The following ALPG variants were observed in gnomAD, a reference collection of about 807,000 sequenced individuals.
The protein encoded by ALPG is alkaline phosphatase, germ cell type.
A neutral mutation model predicts 48.6 loss-of-function variants in ALPG; 32 were observed. That is an observed-to-expected ratio of 0.66 (90% confidence interval 0.50 to 0.88). The LOEUF is 0.88. Among genes scored for constraint, ALPG ranks in the 40% least tolerant of loss-of-function variants. ALPG has a pLI of 0.00. For missense variants in ALPG, 533 were observed against 718.1 expected (o/e 0.74, Z 2.95); for synonymous variants, 244 against 308.9 (o/e 0.79, Z 2.20).
chr2:232,406,880 C>G lies in ALPG; in HGVS notation c.-15C>G, dbSNP rs761067658. On this transcript the variant is annotated 5_prime_UTR_variant, in exon 1 of 11. Transcript: ENST00000295453. The stretch of plus-strand genomic sequence containing the variant: ...CTGGGATTTCCGCCTCGCCGCTCTC[C>G]GACTGCTTCCAGACATGCAGGGGCC... The G allele has an allele frequency of 3.1e-6, 5 of 1,607,304 alleles. 1 individual carries two copies. The South Asian group carries it at 4.5e-5, about 14-fold the overall frequency.
At position 232,407,919 on chromosome 2, in the gene ALPG, A is replaced by C. The variant is rs1370523689; in HGVS notation, c.550A>C (p.Asn184His). The C allele has an allele frequency of 2.5e-6, 4 of 1,613,480 alleles. No homozygotes were observed. The highest frequency in any genetic ancestry group is 1.7e-4 in the Middle Eastern group (1 of 6,052). ...AGCCGGCGCCTACGCCCACACGGTG[A>C]ACCGCAACTGGTACTCGGATGCCGA... ...SPAGAYAHTVNRNWYSDADVP... is the reference protein window; with the variant it reads ...SPAGAYAHTVHRNWYSDADVP... Residue 184 changes from asparagine to histidine, a missense_variant, in exon 5 of 11, where the codon AAC (asparagine) becomes CAC (histidine). Physicochemically the swap from Asn to His is moderately conservative, Grantham distance 68. Around this residue, in one of 6 missense-constraint regions of ALPG, gnomAD observed 315 missense variants for 305.8 expected, o/e 1.03. Coordinates refer to ENST00000295453, the MANE Select transcript of ALPG (RefSeq NM_031313.3).
Position 232,407,906 on chromosome 2 carries a change from C to G in ALPG, c.537C>G (p.Tyr179Ter). 3.1e-6 allele frequency: 5 copies of G among 1,613,484 alleles called. No homozygotes were observed. In the South Asian group the frequency reaches 4.4e-5, roughly 14 times the overall value. Residue 179 changes from tyrosine to a stop codon, truncating the protein, a stop_gained, in exon 5 of 11, where the codon TAC (tyrosine) becomes TAG (stop). Coordinates refer to ENST00000295453, the MANE Select transcript of ALPG (RefSeq NM_031313.3). LOFTEE classifies it high-confidence loss of function. ...RVQHASPAGA[Y>*]AHTVNRNWYS... ...AGCATGCCTCGCCAGCCGGCGCCTA[C>G]GCCCACACGGTGAACCGCAACTGGT...
Position 232,408,726 on chromosome 2 carries a change from G to A in ALPG, c.879G>A (p.Met293Ile). The change falls in exon 8 of 11, where the codon ATG becomes ATA. Residue 293 changes from methionine (M) to isoleucine (I), a missense_variant. This residue lies in a region of ALPG where 17 missense variants were observed against 56.2 expected (regional missense o/e 0.30). Coordinates refer to ENST00000295453, the MANE Select transcript of ALPG (RefSeq NM_031313.3). ...HLMGLFEPGDMKYEIHRDSTL... is the reference protein window; with the variant it reads ...HLMGLFEPGDIKYEIHRDSTL... ...CAGGTCTCTTTGAGCCTGGAGACAT[G>A]AAATACGAGATCCACCGAGACTCCA... The A allele has an allele frequency of 2.2e-6, 3 of 1,348,900 alleles. No individual in the cohort carries two copies. The highest frequency in any genetic ancestry group is 5.1e-5 in the East Asian group (2 of 39,426). 83.6% of individuals were successfully genotyped at this position (1,348,900 alleles called of 1,614,324 possible).
At position 232,407,608 on chromosome 2, in the gene ALPG, C is replaced by G; in HGVS notation, c.315C>G (p.Asp105Glu). 2 of 1,613,880 alleles carry G rather than the reference C, an allele frequency of 1.2e-6. No homozygotes were observed. The highest frequency in any genetic ancestry group is 1.7e-6 in the Non-Finnish European group (2 of 1,180,018). ...YVALSKTYSV[D>E]KHVPDSGATA... ...TCTGTCCCCAGACATACAGTGTAGA[C>G]AAGCATGTGCCAGACAGTGGAGCCA... The change falls in exon 4 of 11, where the codon GAC becomes GAG. Residue 105 changes from aspartate to glutamate, a missense_variant. Asp to Glu is a conservative substitution (Grantham distance 45). Around this residue, in one of 6 missense-constraint regions of ALPG, gnomAD observed 315 missense variants for 305.8 expected, o/e 1.03. Coordinates refer to ENST00000295453, the MANE Select transcript of ALPG (RefSeq NM_031313.3).
Position 232,407,088 on chromosome 2 carries a change from C to T in ALPG, c.99C>T (p.Arg33=). The change falls in exon 2 of 11, where the codon CGC becomes CGT. Residue 33 remains arginine, a synonymous_variant. Coordinates refer to ENST00000295453, the MANE Select transcript of ALPG (RefSeq NM_031313.3). ...AGGAGAACCCGGACTTCTGGAACCG[C>T]CAGGCAGCCGAGGCCCTGGGTGCCG... ...VEEENPDFWN[R]QAAEALGAAK... 6.2e-7 allele frequency: 1 copy of T among 1,613,908 alleles called. No homozygotes were observed. Among genetic ancestry groups the T allele is most frequent in the Non-Finnish European group, 8.5e-7 (1 of 1,180,000 alleles).
At chr2:232,408,079 C>T in intron 5 of ALPG, 62 bp downstream of exon 5, 1 of 1,573,218 alleles carries the variant, frequency 6.4e-7, no homozygotes, top group Non-Finnish European at 8.6e-7. Flanking sequence ...GGCACCAGCT[C>T]AGACCCAGGC....
Position 232,407,412 on chromosome 2 carries a change from G to A in ALPG, c.300+11G>A, listed in dbSNP as rs1484580729. 6.2e-7 allele frequency: 1 copy of A among 1,613,010 alleles called. No homozygotes were observed. The highest frequency in any genetic ancestry group is 8.5e-7 in the Non-Finnish European group (1 of 1,179,658). ...GTGGCTCTGTCCAAGGTAAGTGCTG[G>A]GCTACCTTAGAGTCCTCCAAGCAGA... On this transcript the variant is annotated intron_variant, in intron 3 of 10. Transcript: ENST00000295453.
Position 232,410,023 on chromosome 2 carries a change from T to C in ALPG, c.*151T>C, listed in dbSNP as rs1697162140. On this transcript the variant is annotated 3_prime_UTR_variant, in exon 11 of 11. Coordinates refer to ENST00000295453, the MANE Select transcript of ALPG (RefSeq NM_031313.3). ...GGAACCTTCCCCTCCCGGTGCACCC[T>C]GGGGACCGAGCCCTTGACACCACGC... The C allele has an allele frequency of 8.4e-6, 10 of 1,192,880 alleles. 1 individual carries two copies. In the South Asian group the frequency reaches 1.1e-4, roughly 13 times the overall value. The allele number at this position is 1,192,880 out of a possible 1,614,324, so 73.9% of individuals were successfully genotyped here. A position where few individuals can be genotyped will look rare whatever the true frequency, so the allele number is the denominator to read the frequency against.
chr2:232,410,131 G>C lies in ALPG; in HGVS notation c.*259G>C. 1 of 604,622 alleles carries C rather than the reference G, an allele frequency of 1.7e-6. No individual in the cohort carries two copies. The highest frequency in any genetic ancestry group is 2.1e-5 in the South Asian group (1 of 47,880). 37.5% of individuals were successfully genotyped at this position (604,622 alleles called of 1,614,324 possible). Reference sequence around the variant, plus strand: ...TGCCTGGCAGCTGCCTGCATTTCAGGAAAAGAGGAGGCTCAGACCATCCAG... The same window carrying C: ...TGCCTGGCAGCTGCCTGCATTTCAGCAAAAGAGGAGGCTCAGACCATCCAG... On this transcript the variant is annotated 3_prime_UTR_variant, in exon 11 of 11. Coordinates refer to ENST00000295453, the MANE Select transcript of ALPG (RefSeq NM_031313.3).
chr2:232,409,630 G>A lies in ALPG; in HGVS notation c.1357G>A (p.Gly453Ser), dbSNP rs1697152914. The change falls in exon 11 of 11, where the codon GGC becomes AGC. Residue 453 changes from glycine to serine, a missense_variant. Coordinates refer to ENST00000295453, the MANE Select transcript of ALPG (RefSeq NM_031313.3). The part of the protein sequence containing the change: ...AVPLDGETHA[G>S]EDVAVFARGP... ...GCCCCTGGACGGAGAGACCCACGCAGGCGAGGACGTGGCGGTGTTCGCGCG... is the reference window on the plus strand; with the variant it reads ...GCCCCTGGACGGAGAGACCCACGCAAGCGAGGACGTGGCGGTGTTCGCGCG... 6.2e-7 allele frequency: 1 copy of A among 1,612,554 alleles called. No individual in the cohort carries two copies. The highest frequency in any genetic ancestry group is 1.1e-5 in the South Asian group (1 of 90,956).
Position 232,409,725 on chromosome 2 carries a change from C to T in ALPG, c.1452C>T (p.Ala484=), listed in dbSNP as rs763291237. 6.8e-6 allele frequency: 11 copies of T among 1,610,402 alleles called. No individual in the cohort carries two copies. The South Asian group carries it at 8.8e-5, about 13-fold the overall frequency. ...QTFIAHVMAF[A]ACLEPYTACD... is the part of the protein sequence containing the mutation. Reference sequence around the variant, plus strand: ...TCATAGCGCACGTCATGGCCTTCGCCGCCTGCCTGGAGCCCTACACCGCCT... The same window carrying T: ...TCATAGCGCACGTCATGGCCTTCGCTGCCTGCCTGGAGCCCTACACCGCCT... The change falls in exon 11 of 11, where the codon GCC becomes GCT. Residue 484 remains alanine, a synonymous_variant. Transcript: ENST00000295453.
chr2:232,409,839 C>A lies in ALPG; in HGVS notation c.1566C>A (p.Thr522=). The A allele has an allele frequency of 6.3e-7, 1 of 1,585,458 alleles. No individual in the cohort carries two copies. Among genetic ancestry groups the A allele is most frequent in the Non-Finnish European group, 8.6e-7 (1 of 1,169,152 alleles). The part of the protein sequence containing the change: ...VPALLPLLAG[T]LLLLGTATAP ...CGTTGCTTCCTCTGCTGGCAGGGAC[C>A]TTGCTGCTGCTGGGGACGGCCACTG... is the stretch of plus-strand genomic sequence containing the variant. The change falls in exon 11 of 11, where the codon ACC becomes ACA. Residue 522 remains threonine, a synonymous_variant. Transcript: ENST00000295453.
At chr2:232,407,202 A>C (rs1319349540) in intron 2 of ALPG, 29 bp downstream of exon 2, 3 of 1,613,906 alleles carry the variant, frequency 1.9e-6, no homozygotes, top group Admixed American at 3.3e-5. Flanking sequence ...CCAGCCCCGC[A>C]GCCCTCACAG....
Position 232,407,058 on chromosome 2 carries a change from T to C in ALPG, c.69T>C (p.Val23=), listed in dbSNP as rs777914985. The change falls in exon 2 of 11, where the codon GTT becomes GTC. Residue 23 remains valine, a splice_region_variant and synonymous_variant. Coordinates refer to ENST00000295453, the MANE Select transcript of ALPG (RefSeq NM_031313.3). Reference sequence around the variant, plus strand: ...GATCTTTGCTCTCCCCCTGGCCAGTTGAGGAGGAGAACCCGGACTTCTGGA... The same window carrying C: ...GATCTTTGCTCTCCCCCTGGCCAGTCGAGGAGGAGAACCCGGACTTCTGGA... The part of the protein sequence containing the change: ...RLQLSLGIIP[V]EEENPDFWNR... 6.2e-7 allele frequency: 1 copy of C among 1,613,182 alleles called. No individual in the cohort carries two copies. Among genetic ancestry groups the C allele is most frequent in the African/African-American group, 1.3e-5 (1 of 74,666 alleles).
At position 232,409,795 on chromosome 2, in the gene ALPG, G is replaced by A. The variant is rs1326407137; in HGVS notation, c.1522G>A (p.Gly508Arg). 3.1e-6 allele frequency: 5 copies of A among 1,599,170 alleles called. No individual in the cohort carries two copies. Among genetic ancestry groups the A allele is most frequent in the Non-Finnish European group, 4.3e-6 (5 of 1,173,990 alleles). Residue 508 changes from glycine to arginine, a missense_variant, in exon 11 of 11, where the codon GGG (glycine) becomes AGG (arginine). Physicochemically the swap from Gly to Arg is moderately radical, Grantham distance 125. Coordinates refer to ENST00000295453, the MANE Select transcript of ALPG (RefSeq NM_031313.3). ...RAGTTDAAHP[G>R]PSVVPALLPL... is the part of the protein sequence containing the mutation. ...CGGCACCACCGACGCCGCGCACCCG[G>A]GGCCGTCCGTGGTCCCCGCGTTGCT...
Position 232,409,600 on chromosome 2 carries a change from G to A in ALPG, c.1327G>A (p.Ala443Thr). 1 of 1,612,842 alleles carries A rather than the reference G, an allele frequency of 6.2e-7. No individual in the cohort carries two copies. Among genetic ancestry groups the A allele is most frequent in the Non-Finnish European group, 8.5e-7 (1 of 1,179,756 alleles). ...SGSPEYRQQSAVPLDGETHAG... is the reference protein window; with the variant it reads ...SGSPEYRQQSTVPLDGETHAG... ...GAGCCCCGAGTATCGGCAGCAGTCAGCAGTGCCCCTGGACGGAGAGACCCA... is the reference window on the plus strand; with the variant it reads ...GAGCCCCGAGTATCGGCAGCAGTCAACAGTGCCCCTGGACGGAGAGACCCA... The change falls in exon 11 of 11, where the codon GCA becomes ACA. Residue 443 changes from alanine (A) to threonine (T), a missense_variant. Coordinates refer to ENST00000295453, the MANE Select transcript of ALPG (RefSeq NM_031313.3).
At position 232,410,202 on chromosome 2, in the gene ALPG, G is replaced by A. The variant is rs1189450244; in HGVS notation, c.*330G>A. On this transcript the variant is annotated 3_prime_UTR_variant, in exon 11 of 11. Coordinates refer to ENST00000295453, the MANE Select transcript of ALPG (RefSeq NM_031313.3). ...TGGATCAGGCAGGCTCTCTCCCCGG[G>A]GACATGAGGCACCCATACCTAGGAC... The A allele has an allele frequency of 9.2e-6, 4 of 433,132 alleles. No individual in the cohort carries two copies. The highest frequency in any genetic ancestry group is 4.1e-5 in the Admixed American group (1 of 24,180). The allele number at this position is 433,132 out of a possible 1,614,324, so 26.8% of individuals were successfully genotyped here.
chr2:232,409,590 G>A lies in ALPG; in HGVS notation c.1317G>A (p.Arg439=), dbSNP rs769720117. ...TCCAACCAGGGAGCCCCGAGTATCG[G>A]CAGCAGTCAGCAGTGCCCCTGGACG... The part of the protein sequence containing the change: ...TESESGSPEY[R]QQSAVPLDGE... The change falls in exon 11 of 11, where the codon CGG becomes CGA. Residue 439 remains arginine (R), a synonymous_variant. Coordinates refer to ENST00000295453, the MANE Select transcript of ALPG (RefSeq NM_031313.3). 2.5e-6 allele frequency: 4 copies of A among 1,612,748 alleles called. No homozygotes were observed. Among genetic ancestry groups the A allele is most frequent in the African/African-American group, 2.7e-5 (2 of 75,030 alleles).
At position 232,407,671 on chromosome 2, in the gene ALPG, C is replaced by A. The variant is rs1282526304; in HGVS notation, c.378C>A (p.Phe126Leu). ...ACCTGTGCGGGGTCAAGGGCAACTT[C>A]CAGACCATTGGCTTGAGTGCAGCCG... is the stretch of plus-strand genomic sequence containing the variant. ...TAYLCGVKGN[F>L]QTIGLSAAAR... The change falls in exon 4 of 11, where the codon TTC becomes TTA. Residue 126 changes from phenylalanine to leucine, a missense_variant. By Grantham distance (22) the Phe-to-Leu change is conservative. Around this residue, in one of 6 missense-constraint regions of ALPG, gnomAD observed 315 missense variants for 305.8 expected, o/e 1.03. Transcript: ENST00000295453. 4 of 1,613,824 alleles carry A rather than the reference C, an allele frequency of 2.5e-6. No homozygotes were observed. Among genetic ancestry groups the A allele is most frequent in the Non-Finnish European group, 1.7e-6 (2 of 1,180,038 alleles).
Sources: gnomAD v4.1 joint callset for allele counts on GRCh38, gnomAD v4.1.1 for gene constraint, gnomAD v4.1.1 regional missense constraint, MANE v1.5 for transcripts, NCBI Gene and HGNC (gene_info 2026-07-23, HGNC 2026-07-21) for gene names.